ANKS1B: variants seen among roughly 807,000 people sequenced by gnomAD.
The protein encoded by ANKS1B is ankyrin repeat and sterile alpha motif domain containing 1B.
In ANKS1B, 36 loss-of-function variants were observed where a neutral mutation model predicts 148.3. The ratio of observed to expected loss-of-function variants is 0.24; its 90% CI spans 0.19 to 0.32. The LOEUF is 0.32. ANKS1B is among the 10% of genes least tolerant of loss of function. ANKS1B has a pLI of 1.00. For missense variants in ANKS1B, 1,157 were observed against 1,542.6 expected (o/e 0.75, Z 4.19); for synonymous variants, 542 against 560.8 (o/e 0.97, Z 0.47).
At chr12:98,868,911 CTG>C (rs2099639185) in intron 17 of ANKS1B, among the ~76,000 whole-genome samples, 1 of 152,216 alleles carries the variant, frequency 6.6e-6, no homozygotes, top group Non-Finnish European at 1.5e-5. Context: ...GCTTGATGTA[CTG>C]TTCTCATCTA....
In ANKS1B at chr12:99,560,840, C is replaced by CTTTTTTTTTTTT. The variant is rs58588885; in HGVS notation, c.1273-56211_1273-56200dup. 1.5e-3 allele frequency among the ~76,000 whole-genome samples: 111 copies of CTTTTTTTTTTTT among 71,918 alleles called. 1 individual carries two copies. Among genetic ancestry groups the CTTTTTTTTTTTT allele is most frequent in the East Asian group, 3.5e-3 (8 of 2,256 alleles). The allele number at this position is 71,918 out of a possible 152,430, so 47.2% of individuals were successfully genotyped here. Reference sequence around the variant, plus strand: ...TGCAATGGCAATTTCTTTCTTTTTTCTTTTTTTTTTTTTTTTTTTTTTTTG... The same window carrying CTTTTTTTTTTTT: ...TGCAATGGCAATTTCTTTCTTTTTTCTTTTTTTTTTTTTTTTTTTTTTTTTTTTTTTTTTTTG... On this transcript the variant is annotated intron_variant, in intron 9 of 26. Transcript: ENST00000683438.
Position 99,405,132 on chromosome 12 carries a change from C to A in ANKS1B, c.1576-5321G>T, listed in dbSNP as rs1005701145. On this transcript the variant is annotated intron_variant, in intron 11 of 26. Coordinates refer to ENST00000683438, the MANE Select transcript of ANKS1B (RefSeq NM_001352186.2). ...TTGAGAAATTTCTTCAACATTAGAT[C>A]TTTCCTACAATAAATGCTAAAGGGA... 7.6e-5 allele frequency among the ~76,000 whole-genome samples: 11 copies of A among 145,670 alleles called. 1 individual carries two copies. The highest frequency in any genetic ancestry group is 1.5e-4 in the Non-Finnish European group (10 of 65,878).
intron 1 of ANKS1B, among the ~76,000 whole-genome samples, chr12:99,966,379 G>A (rs1239143325): frequency 1.3e-5 from 2 of 152,024 alleles, no homozygotes; most frequent in Non-Finnish European, 2.9e-5. Context: ...CATAATATGT[G>A]ATTATTTCAA....
rs1008870695 is a variant in ANKS1B at position 98,822,543 on chromosome 12, T to C, written c.3066+6631A>G. Among the ~76,000 whole-genome samples, 3 of 152,290 alleles carry C rather than the reference T, an allele frequency of 2.0e-5. No homozygotes were observed. In the South Asian group the frequency reaches 6.2e-4, roughly 32 times the overall value. On this transcript the variant is annotated intron_variant, in intron 19 of 26. Transcript: ENST00000683438. ...TATCACAAGGTCAATTCCACTGAAA[T>C]AGGGTTTTTATATATTGTCAGATTT... is the stretch of plus-strand genomic sequence containing the variant.
chr12:99,976,182 A>C (rs1359089042), intron 1 of ANKS1B, among the ~76,000 whole-genome samples: 1 of 152,218 alleles, frequency 6.6e-6, no homozygotes, highest in African/African-American at 2.4e-5. Flanking sequence ...AACGAAAGAC[A>C]CAGTGGACTA....
chr12:99,775,944 T>C (rs2063607531), intron 6 of ANKS1B, among the ~76,000 whole-genome samples: 1 of 152,166 alleles, frequency 6.6e-6, no homozygotes, highest in Admixed American at 6.5e-5. Context: ...TCCTTAAAAA[T>C]AAATTCACCT....
At chr12:98,739,034 T>TAAC (rs1298943437), downstream of ANKS1B, among the ~76,000 whole-genome samples, 3 of 152,200 alleles carry the variant, frequency 2.0e-5, no homozygotes. Flanking sequence ...AACTGAATCA[T>TAAC]AACAGTGCTG....
chr12:99,632,769 T>TATATATA (rs2098182743), intron 9 of ANKS1B, among the ~76,000 whole-genome samples: 4 of 43,314 alleles, frequency 9.2e-5, no homozygotes, highest in Non-Finnish European at 2.3e-4. Context: ...ATATATATAT[T>TATATATA]TTAATTATAC....
chr12:99,211,275 C>T (rs1367188202), intron 14 of ANKS1B, among the ~76,000 whole-genome samples: 1 of 152,154 alleles, frequency 6.6e-6, no homozygotes, highest in Non-Finnish European at 1.5e-5. Flanking sequence ...TGCTAAGGTG[C>T]CACATCACCA....
intron 14 of ANKS1B, among the ~76,000 whole-genome samples, chr12:99,164,662 G>C (rs1318436333): frequency 1.3e-5 from 2 of 151,998 alleles, no homozygotes; most frequent in Non-Finnish European, 2.9e-5. Context: ...CCCTCAGAAT[G>C]TTTTCCTTTC....
chr12:98,972,359 A>G (rs1314740653), intron 17 of ANKS1B, among the ~76,000 whole-genome samples: 2 of 152,192 alleles, frequency 1.3e-5, no homozygotes, highest in Non-Finnish European at 2.9e-5. Context: ...CTGGAGAATG[A>G]AGGATTTATC....
chr12:98,987,559 G>C (rs977581348), intron 17 of ANKS1B, among the ~76,000 whole-genome samples: 2 of 152,164 alleles, frequency 1.3e-5, no homozygotes, highest in African/African-American at 4.8e-5. Context: ...AAAGTGATAA[G>C]TGGTACAGAA....
In ANKS1B at chr12:99,898,598, A is replaced by G. The variant is rs186623605; in HGVS notation, c.135-73209T>C. 1.8e-3 allele frequency among the ~76,000 whole-genome samples: 267 copies of G among 152,174 alleles called. 1 individual carries two copies. Among genetic ancestry groups the G allele is most frequent in the African/African-American group, 5.8e-3 (240 of 41,516 alleles). ...CCCTAGGCATCCTCCTCTTCTTCCT[A>G]TTTTGGCCCTGGCTTCCATGACCCT... On this transcript the variant is annotated intron_variant, in intron 1 of 26. Transcript: ENST00000683438.
At chr12:99,106,017 A>G (rs146675553) in intron 15 of ANKS1B, among the ~76,000 whole-genome samples, 12 of 152,262 alleles carry the variant, frequency 7.9e-5, no homozygotes, top group African/African-American at 2.2e-4. Flanking sequence ...GCTCTGCACA[A>G]GCAAATACAT....
chr12:98,784,421 C>T (rs910251400), intron 22 of ANKS1B, among the ~76,000 whole-genome samples: 1 of 152,170 alleles, frequency 6.6e-6, no homozygotes, highest in Admixed American at 6.5e-5. Context: ...AAGGTAGGAG[C>T]AATGCCCCAT....
intron 9 of ANKS1B, among the ~76,000 whole-genome samples, chr12:99,563,449 G>T (rs1475786381): frequency 6.6e-6 from 1 of 152,110 alleles, no homozygotes; most frequent in African/African-American, 2.4e-5. Context: ...TCAGGGAGTA[G>T]GGAGGCCTGA....
chr12:98,766,487 C>T (rs1039748310), intron 25 of ANKS1B, among the ~76,000 whole-genome samples: 16 of 152,220 alleles, frequency 1.1e-4, no homozygotes, highest in Admixed American at 5.2e-4. Flanking sequence ...GGAAAGTGTT[C>T]GAGTTCAATT....
intron 8 of ANKS1B, among the ~76,000 whole-genome samples, chr12:99,695,587 T>G (rs1441508182): frequency 6.6e-6 from 1 of 152,142 alleles, no homozygotes; most frequent in African/African-American, 2.4e-5. Context: ...TTTTAAAGGG[T>G]CTACCTGGCC....
intron 1 of ANKS1B, among the ~76,000 whole-genome samples, chr12:99,983,857 G>A (rs2095744803): frequency 6.6e-6 from 1 of 152,056 alleles, no homozygotes; most frequent in East Asian, 1.9e-4. Context: ...TCTGCACCAG[G>A]GCTCAGAGGA....
Sources: gnomAD v4.1 joint callset for allele counts (sites outside exome capture counted in the v4.1 genomes callset) on GRCh38, gnomAD v4.1.1 for gene constraint, MANE v1.5 for transcripts, NCBI Gene and HGNC (gene_info 2026-07-23, HGNC 2026-07-21) for gene names.